PSD3: variants seen among roughly 807,000 people sequenced by gnomAD.
The protein encoded by PSD3 is pleckstrin and Sec7 domain containing 3.
A neutral mutation model predicts 105.5 loss-of-function variants in PSD3; 49 were observed. The ratio of observed to expected loss-of-function variants is 0.46; its 90% CI spans 0.37 to 0.59. PSD3 has a LOEUF of 0.59. Among genes scored for constraint, PSD3 ranks in the 20% least tolerant of loss-of-function variants. The probability of loss-of-function intolerance (pLI) is 0.00; values close to 1 mark genes in which losing one functional copy is unlikely to be tolerated. For missense variants in PSD3, 1,561 were observed against 1,263.8 expected (o/e 1.24, Z -3.57); for synonymous variants, 557 against 457.8 (o/e 1.22, Z -2.77).
chr8:18,579,990 T>C (rs1002081643), intron 12 of PSD3, among the ~76,000 whole-genome samples: 2 of 152,216 alleles, frequency 1.3e-5, no homozygotes, highest in Non-Finnish European at 2.9e-5. Context: ...AAAATGTTAG[T>C]AATTAAAGCA....
chr8:18,681,499 G>A (rs544158798), intron 9 of PSD3, among the ~76,000 whole-genome samples: 3 of 146,096 alleles, frequency 2.1e-5, no homozygotes, highest in Non-Finnish European at 3.0e-5. Context: ...ACTGATTTAA[G>A]GGCTAAAAAA....
At chr8:18,666,668 T>A (rs973040861) in intron 9 of PSD3, among the ~76,000 whole-genome samples, 1 of 150,016 alleles carries the variant, frequency 6.7e-6, no homozygotes, top group Admixed American at 6.8e-5. Context: ...AAGCTAGCAC[T>A]CAGCTGTAGC....
intron 14 of PSD3, among the ~76,000 whole-genome samples, chr8:18,571,128 T>A (rs953409262): frequency 6.6e-6 from 1 of 152,122 alleles, no homozygotes; most frequent in African/African-American, 2.4e-5. Context: ...CCAAAAGTGC[T>A]GGGATTACAG....
At chr8:18,867,483 G>C (rs1817024389) in intron 4 of PSD3, among the ~76,000 whole-genome samples, 191 bp downstream of exon 4, 1 of 152,144 alleles carries the variant, frequency 6.6e-6, no homozygotes, top group Admixed American at 6.5e-5. Context: ...TGATCACAGT[G>C]TGCCAATGTG....
rs867253001 is a variant in PSD3 at position 19,050,526 on chromosome 8, A to G, written c.324+33680T>C. ...CAGCCATAAAAAATGATGAGTTCAC[A>G]TCCTTTGTAGGGACATGGATGAAAT... On this transcript the variant is annotated intron_variant, in intron 1 of 1. Coordinates refer to the PSD3 transcript ENST00000521475. Among the ~76,000 whole-genome samples, 165 of 152,324 alleles carry G rather than the reference A, an allele frequency of 1.1e-3. 2 individuals are homozygous for G. The highest frequency in any genetic ancestry group is 3.8e-3 in the African/African-American group (160 of 41,582).
intron 12 of PSD3, among the ~76,000 whole-genome samples, chr8:18,594,211 T>C (rs1803859187): frequency 1.3e-4 from 1 of 7,712 alleles, no homozygotes; most frequent in Admixed American, 2.9e-3. Flanking sequence ...ATATAATATA[T>C]ATTATTATAT....
At chr8:18,748,573 T>C (rs866286958) in intron 9 of PSD3, among the ~76,000 whole-genome samples, 3 of 143,992 alleles carry the variant, frequency 2.1e-5, no homozygotes, top group East Asian at 2.1e-4. Context: ...GGCAGGAGAA[T>C]GGCGTGAACC....
At chr8:18,648,857 G>C (rs1320138288) in intron 10 of PSD3, among the ~76,000 whole-genome samples, 2 of 152,260 alleles carry the variant, frequency 1.3e-5, no homozygotes, top group African/African-American at 4.8e-5. Flanking sequence ...TACAGCTCAA[G>C]CTGTCACTCC....
intron 9 of PSD3, among the ~76,000 whole-genome samples, chr8:18,659,269 T>C (rs1809140102): frequency 6.6e-6 from 1 of 152,182 alleles, no homozygotes; most frequent in Non-Finnish European, 1.5e-5. Flanking sequence ...TGAATATTCA[T>C]CAACTCAAAC....
chr8:18,662,631 T>C (rs979038314), intron 9 of PSD3, among the ~76,000 whole-genome samples: 2 of 152,202 alleles, frequency 1.3e-5, no homozygotes, highest in Non-Finnish European at 2.9e-5. Context: ...TTACATGCAA[T>C]AGGAGAGGGC....
At chr8:18,776,407 G>A (rs548987100) in intron 8 of PSD3, among the ~76,000 whole-genome samples, 210 of 146,872 alleles carry the variant, frequency 1.4e-3, no homozygotes, top group Admixed American at 2.0e-3. Flanking sequence ...TTTTTGAGAC[G>A]GAGTCTCGAT....
In PSD3 at chr8:18,804,712, A is replaced by G. The variant is rs569042691; in HGVS notation, c.1821T>C (p.Leu607=). 9 of 1,613,878 alleles carry G rather than the reference A, an allele frequency of 5.6e-6. No individual in the cohort carries two copies. In the East Asian group the frequency reaches 2.0e-4, roughly 36 times the overall value. Residue 607 remains leucine, a synonymous_variant, in exon 5 of 16, where the codon CTT becomes CTC. Transcript: ENST00000327040. ...AATGGGTCAGAACGTACTTCTTGCCAAGGTGTTTTGCAACATCTGATCTTT... is the reference window on the plus strand; with the variant it reads ...AATGGGTCAGAACGTACTTCTTGCCGAGGTGTTTTGCAACATCTGATCTTT... ...RFKRSDVAKH[L]GKNNEFSKLV... is the part of the protein sequence containing the mutation.
At chr8:18,574,293 T>A (rs1190750236) in intron 13 of PSD3, among the ~76,000 whole-genome samples, 2 of 152,206 alleles carry the variant, frequency 1.3e-5, no homozygotes, top group African/African-American at 2.4e-5. Context: ...TCCATTATTA[T>A]TTCAATGGAC....
At chr8:18,661,115 A>G (rs1049417657) in intron 9 of PSD3, among the ~76,000 whole-genome samples, 25 of 151,802 alleles carry the variant, frequency 1.6e-4, no homozygotes, top group African/African-American at 5.6e-4. Flanking sequence ...TCTCCAACAT[A>G]TTTTGCACAG....
upstream of PSD3, among the ~76,000 whole-genome samples, chr8:19,014,871 C>A (rs957947305): frequency 1.3e-5 from 2 of 152,174 alleles, no homozygotes; most frequent in African/African-American, 4.8e-5. This position sits in a 1 kb window ranked among gnomAD's most constrained non-coding sequence, Gnocchi z 4.9. Context: ...TCAAAGGAAG[C>A]CTTGGACACC....
chr8:18,872,616 G>A lies in PSD3; in HGVS notation c.248C>T (p.Ala83Val), dbSNP rs2129457715. The A allele has an allele frequency of 6.2e-7, 1 of 1,614,034 alleles. No individual in the cohort carries two copies. The highest frequency in any genetic ancestry group is 8.5e-7 in the Non-Finnish European group (1 of 1,179,994). The part of the protein sequence containing the change: ...LRASLEFDGE[A>V]LPCHPQEQQG... The stretch of plus-strand genomic sequence containing the variant: ...CTGCTCTTGTGGGTGGCATGGCAGA[G>A]CCTCACCATCAAATTCCAGAGAAGC... The change falls in exon 3 of 16, where the codon GCT (alanine) becomes GTT (valine). Residue 83 changes from alanine (A) to valine (V), a missense_variant. Coordinates refer to ENST00000327040, the MANE Select transcript of PSD3 (RefSeq NM_015310.4).
chr8:18,736,612 A>T (rs1188102138), intron 9 of PSD3, among the ~76,000 whole-genome samples: 1 of 152,130 alleles, frequency 6.6e-6, no homozygotes, highest in Non-Finnish European at 1.5e-5. Flanking sequence ...CTGTAGTTCA[A>T]CTCCAGGGAA....
At chr8:18,793,078 G>C (rs1809874384) in intron 8 of PSD3, among the ~76,000 whole-genome samples, 1 of 152,104 alleles carries the variant, frequency 6.6e-6, no homozygotes, top group Non-Finnish European at 1.5e-5. Flanking sequence ...CGCAAGGACA[G>C]AAAACCAAAC....
At chr8:18,564,008 T>A (rs1055087752) in intron 14 of PSD3, among the ~76,000 whole-genome samples, 1 of 152,186 alleles carries the variant, frequency 6.6e-6, no homozygotes, top group East Asian at 1.9e-4. Flanking sequence ...TCACATACCA[T>A]AAAAACACCC....
Sources: allele counts gnomAD v4.1 joint callset (sites outside exome capture counted in the v4.1 genomes callset), GRCh38; gene constraint gnomAD v4.1.1; non-coding constraint Gnocchi (gnomAD v3.1); transcripts MANE v1.5; gene names NCBI Gene and HGNC (gene_info 2026-07-23, HGNC 2026-07-21).